OLFM3: variants seen among roughly 807,000 people sequenced by gnomAD.
OLFM3 encodes olfactomedin 3.
Under a neutral mutation model 48.6 loss-of-function variants are expected in OLFM3, and 20 were observed. The observed-to-expected ratio is 0.41, with a 90% CI of 0.29 to 0.60. The LOEUF is 0.60. Among genes scored for constraint, OLFM3 ranks in the 20% least tolerant of loss-of-function variants. The pLI, the probability that OLFM3 is intolerant of heterozygous loss-of-function variation, is 0.28. For missense variants in OLFM3, 437 were observed against 544.3 expected, an observed-to-expected ratio of 0.80 and a Z score of 1.96; for synonymous variants, 222 against 198.1, an observed-to-expected ratio of 1.12 and a Z score of -1.01.
At chr1:101,969,526 G>C (rs954855620) in intron 1 of OLFM3, among the ~76,000 whole-genome samples, 2 of 152,100 alleles carry the variant, frequency 1.3e-5, no homozygotes, top group Non-Finnish European at 2.9e-5. Context: ...AAGATTTAAA[G>C]AATGATGGTG....
At chr1:101,820,009 C>T (rs1485404260) in intron 4 of OLFM3, among the ~76,000 whole-genome samples, 1 of 152,052 alleles carries the variant, frequency 6.6e-6, no homozygotes, top group Non-Finnish European at 1.5e-5. Context: ...AAAATATAAC[C>T]TTGACAGGAA....
chr1:101,911,571 T>C (rs1658761439), intron 1 of OLFM3, among the ~76,000 whole-genome samples: 1 of 152,136 alleles, frequency 6.6e-6, no homozygotes, highest in African/African-American at 2.4e-5. Flanking sequence ...CTTTCACAAG[T>C]TACCCAAGTT....
At chr1:101,859,381 A>G (rs1656558456) in intron 1 of OLFM3, among the ~76,000 whole-genome samples, 1 of 152,102 alleles carries the variant, frequency 6.6e-6, no homozygotes, top group East Asian at 1.9e-4. Context: ...GCGTCAGCAT[A>G]AGAAATAACA....
chr1:101,889,477 T>A (rs943298483), intron 1 of OLFM3, among the ~76,000 whole-genome samples: 4 of 151,898 alleles, frequency 2.6e-5, no homozygotes, highest in Admixed American at 1.3e-4. Flanking sequence ...ACAGGGTGGG[T>A]AACATCACAC....
At position 101,806,103 on chromosome 1, in the gene OLFM3, G is replaced by T. The variant is rs376156473; in HGVS notation, c.672C>A (p.Asp224Glu). The change falls in exon 5 of 6, where the codon GAC becomes GAA. Residue 224 changes from aspartate to glutamate, a missense_variant. Asp to Glu is a conservative substitution (Grantham distance 45). Around this residue, in one of 3 missense-constraint regions of OLFM3, gnomAD observed 314 missense variants for 365.5 expected, o/e 0.86. Transcript: ENST00000370103. ...SGTRFGAWMT[D>E]PLASEKNNRV... ...TGTTGTTTTTCTCAGATGCTAAAGG[G>T]TCTGTCATCCAAGCACCAAATCGGG... 9.3e-6 allele frequency: 15 copies of T among 1,611,916 alleles called. No homozygotes were observed. In the South Asian group the frequency reaches 1.6e-4, roughly 18 times the overall value.
chr1:101,996,890 GTCAGT>G lies in OLFM3; in HGVS notation c.-79_-75del, dbSNP rs11276972. 473,364 of 1,497,066 alleles carry G rather than the reference GTCAGT, an allele frequency of 0.32. 76,248 individuals are homozygous for G. Among genetic ancestry groups the G allele is most frequent in the South Asian group, 0.35 (31,109 of 87,986 alleles). 92.7% of individuals were successfully genotyped at this position (1,497,066 alleles called of 1,614,324 possible). ...CACTCACTGCAGAGACCTTTCCCTC[GTCAGT>G]TGCACTTTCTGCCTGCCAGTCAGAG... On this transcript the variant is annotated 5_prime_UTR_variant, in exon 1 of 6. Coordinates refer to ENST00000370103, the MANE Select transcript of OLFM3 (RefSeq NM_058170.4).
chr1:101,948,452 T>TGA (rs141817550), intron 1 of OLFM3, among the ~76,000 whole-genome samples: 10,961 of 149,884 alleles, frequency 0.073, 452 homozygotes, highest in South Asian at 0.15. Context: ...AAGACTTGTA[T>TGA]GAGAGAGAGA....
chr1:101,845,881 T>C (rs1013300521), intron 1 of OLFM3, among the ~76,000 whole-genome samples: 1 of 152,230 alleles, frequency 6.6e-6, no homozygotes, highest in South Asian at 2.1e-4. Context: ...TAGATTATTA[T>C]TAGTAACAGC....
chr1:101,925,146 G>A (rs1327589), intron 1 of OLFM3, among the ~76,000 whole-genome samples: 74,443 of 151,936 alleles, frequency 0.49, 18,779 homozygotes, highest in East Asian at 0.64. Context: ...TGCTTGGGAA[G>A]GAGAATAGAA....
chr1:101,873,400 A>G (rs954163162), intron 1 of OLFM3, among the ~76,000 whole-genome samples: 6 of 151,914 alleles, frequency 3.9e-5, no homozygotes, highest in African/African-American at 1.4e-4. Flanking sequence ...GGCTCATAAA[A>G]TGATGGGCTA....
intron 1 of OLFM3, among the ~76,000 whole-genome samples, chr1:101,915,525 T>A (rs1658897615): frequency 6.6e-6 from 1 of 152,152 alleles, no homozygotes; most frequent in African/African-American, 2.4e-5. Flanking sequence ...AAATTAAACA[T>A]AATGATAATC....
intron 4 of OLFM3, among the ~76,000 whole-genome samples, chr1:101,820,315 G>A (rs979790352): frequency 2.3e-4 from 35 of 152,026 alleles, no homozygotes; most frequent in African/African-American, 8.2e-4. Flanking sequence ...TAACAGGAGG[G>A]AGTTGGGGCA....
chr1:101,922,206 T>G, intron 1 of OLFM3, among the ~76,000 whole-genome samples: 1 of 152,220 alleles, frequency 6.6e-6, no homozygotes, highest in East Asian at 1.9e-4. Context: ...TGTGCTTTCT[T>G]TCTTCATCTT....
intron 1 of OLFM3, among the ~76,000 whole-genome samples, chr1:101,878,570 A>C (rs1053426143): frequency 6.6e-6 from 1 of 151,802 alleles, no homozygotes; most frequent in Admixed American, 6.6e-5. Context: ...TGGTTATAGG[A>C]AGCAGTAGGG....
At chr1:101,821,506 C>T (rs914599840) in intron 4 of OLFM3, among the ~76,000 whole-genome samples, 7 of 152,050 alleles carry the variant, frequency 4.6e-5, no homozygotes, top group African/African-American at 1.4e-4. Flanking sequence ...TCTGCCTGGA[C>T]GTTTTCTACA....
chr1:101,953,504 T>A (rs764318691), intron 1 of OLFM3, among the ~76,000 whole-genome samples: 21 of 152,176 alleles, frequency 1.4e-4, no homozygotes, highest in Non-Finnish European at 2.8e-4. Context: ...TGTTTTCTCT[T>A]GATATCTCTG....
intron 1 of OLFM3, chr1:101,846,905 G>C (rs758019756): frequency 1.2e-6 from 2 of 1,612,628 alleles, no homozygotes; most frequent in African/African-American, 2.7e-5. Context: ...GGAGAGTTTG[G>C]GACATCCAGT....
At chr1:101,989,921 G>A (rs1300141917) in intron 1 of OLFM3, among the ~76,000 whole-genome samples, 1 of 152,004 alleles carries the variant, frequency 6.6e-6, no homozygotes, top group African/African-American at 2.4e-5. Flanking sequence ...TATTATTTTT[G>A]AATCTTCAAA....
intron 1 of OLFM3, among the ~76,000 whole-genome samples, chr1:101,938,534 A>C (rs1430430924): frequency 6.6e-6 from 1 of 152,202 alleles, no homozygotes; most frequent in Non-Finnish European, 1.5e-5. Context: ...ATGGTGACAT[A>C]ATTATTGCTA....
Sources: allele counts gnomAD v4.1 joint callset (sites outside exome capture counted in the v4.1 genomes callset), GRCh38; gene constraint gnomAD v4.1.1; regional missense constraint gnomAD v4.1.1; transcripts MANE v1.5; gene names NCBI Gene and HGNC (gene_info 2026-07-23, HGNC 2026-07-21).